The following LRFN5 variants were observed in gnomAD, a reference collection of about 807,000 sequenced individuals.
LRFN5 encodes leucine-rich repeat and fibronectin type-III domain-containing protein 5.
A neutral mutation model predicts 45.6 loss-of-function variants in LRFN5; 24 were observed. That is an observed-to-expected ratio of 0.53 (90% CI 0.38 to 0.74). The LOEUF is 0.74. LRFN5 is among the 30% of genes least tolerant of loss of function. The probability of loss-of-function intolerance (pLI) is 0.00; values close to 1 mark genes in which losing one functional copy is unlikely to be tolerated. For synonymous variants in LRFN5, 340 were observed against 313.8 expected, an observed-to-expected ratio of 1.08 and a Z score of -0.88; for missense variants, 776 against 861.5, an observed-to-expected ratio of 0.90 and a Z score of 1.24.
At chr14:41,801,729 G>T in intron 2 of LRFN5, among the ~76,000 whole-genome samples, 1 of 152,144 alleles carries the variant, frequency 6.6e-6, no homozygotes, top group East Asian at 1.9e-4. Flanking sequence ...TTCTCACCCT[G>T]CCAGTTTTGA....
chr14:41,757,243 C>CT (rs1885439146), intron 1 of LRFN5, among the ~76,000 whole-genome samples: 1 of 152,160 alleles, frequency 6.6e-6, no homozygotes, highest in Non-Finnish European at 1.5e-5. Flanking sequence ...GTTCTCAGAT[C>CT]TCCAGCTGCG....
intron 1 of LRFN5, among the ~76,000 whole-genome samples, chr14:41,721,677 A>C (rs80146445): frequency 0.021 from 3,123 of 152,250 alleles, 117 homozygotes; most frequent in African/African-American, 0.071. Flanking sequence ...TTTCTTTAAG[A>C]ATGCTGAAAA....
chr14:41,880,222 C>T (rs573155863), intron 2 of LRFN5, among the ~76,000 whole-genome samples: 7 of 151,974 alleles, frequency 4.6e-5, no homozygotes, highest in East Asian at 1.9e-4. Context: ...CCACCGCGCC[C>T]GGCCCTCAAT....
intron 1 of LRFN5, among the ~76,000 whole-genome samples, chr14:41,675,387 T>G (rs916613673): frequency 1.3e-5 from 2 of 152,358 alleles, no homozygotes; most frequent in African/African-American, 2.4e-5. Context: ...GATCACTCGC[T>G]GTTAGGAGCT....
intron 2 of LRFN5, among the ~76,000 whole-genome samples, chr14:41,801,452 C>G (rs1453014353): frequency 6.6e-6 from 1 of 152,120 alleles, no homozygotes; most frequent in South Asian, 2.1e-4. Flanking sequence ...TACAAGGAAA[C>G]AAACTGCATA....
chr14:41,849,495 G>A (rs2224836), intron 2 of LRFN5, among the ~76,000 whole-genome samples: 151,284 of 151,910 alleles, frequency 1, 75,334 homozygotes, highest in Non-Finnish European at 1. Context: ...AGACTGCACT[G>A]CAATTACTGG....
intron 1 of LRFN5, among the ~76,000 whole-genome samples, chr14:41,638,034 A>G (rs1324721237): frequency 6.6e-6 from 1 of 152,090 alleles, no homozygotes; most frequent in Non-Finnish European, 1.5e-5. Context: ...CCTCTTGGTT[A>G]TCACCTTTTG....
At chr14:41,797,470 T>C (rs1887172353) in intron 2 of LRFN5, among the ~76,000 whole-genome samples, 1 of 151,742 alleles carries the variant, frequency 6.6e-6, no homozygotes, top group Non-Finnish European at 1.5e-5. Context: ...TGTTCTGTTT[T>C]AAATATAAAT....
Position 41,890,721 on chromosome 14 carries a change from A to C in LRFN5, c.1386-529A>C, listed in dbSNP as rs1254656675. Among the ~76,000 whole-genome samples, 16 of 146,636 alleles carry C rather than the reference A, an allele frequency of 1.1e-4. No homozygotes were observed. The East Asian group carries it at 1.4e-3, about 12-fold the overall frequency. ...GACTCCGTCTCAAAAAAAAAAAAAAAAACTTTAATCTTAGTAATAATCTTA... is the reference window on the plus strand; with the variant it reads ...GACTCCGTCTCAAAAAAAAAAAAAACAACTTTAATCTTAGTAATAATCTTA... On this transcript the variant is annotated intron_variant, in intron 3 of 5. Coordinates refer to ENST00000298119, the MANE Select transcript of LRFN5 (RefSeq NM_152447.5).
intron 1 of LRFN5, among the ~76,000 whole-genome samples, chr14:41,669,530 T>C (rs1377570230): frequency 6.6e-6 from 1 of 152,062 alleles, no homozygotes; most frequent in East Asian, 1.9e-4. Context: ...AACTTTTTTT[T>C]TGAACTGTTT....
chr14:41,784,184 T>C (rs10140671), intron 2 of LRFN5, among the ~76,000 whole-genome samples: 2,060 of 152,254 alleles, frequency 0.014, 28 homozygotes, highest in Non-Finnish European at 0.021. Flanking sequence ...ATATTCCAAA[T>C]GTATCAGAGT....
intron 1 of LRFN5, among the ~76,000 whole-genome samples, chr14:41,756,446 T>C (rs1443890650): frequency 1.3e-5 from 2 of 152,222 alleles, no homozygotes; most frequent in Non-Finnish European, 2.9e-5. Flanking sequence ...CCATATTTCT[T>C]GGAGGCTTTA....
intron 1 of LRFN5, among the ~76,000 whole-genome samples, chr14:41,728,177 T>A (rs1433063014): frequency 6.6e-6 from 1 of 152,154 alleles, no homozygotes; most frequent in Non-Finnish European, 1.5e-5. Context: ...ATTTATTGGA[T>A]AAACTTGGCC....
chr14:41,704,240 G>A (rs1882954887), intron 1 of LRFN5, among the ~76,000 whole-genome samples: 1 of 152,090 alleles, frequency 6.6e-6, no homozygotes, highest in Non-Finnish European at 1.5e-5. Context: ...AGCCAGAGCT[G>A]TAGTTGGGGA....
chr14:41,610,683 A>AAAAAAAAAAAAAAAT (rs1887720009), intron 1 of LRFN5, among the ~76,000 whole-genome samples: 1 of 144,660 alleles, frequency 6.9e-6, no homozygotes, highest in African/African-American at 2.5e-5. Flanking sequence ...AAAAAAAAAA[A>AAAAAAAAAAAAAAAT]GTGTATTGCC....
At chr14:41,639,858 A>G (rs868179228) in intron 1 of LRFN5, among the ~76,000 whole-genome samples, 7 of 151,752 alleles carry the variant, frequency 4.6e-5, no homozygotes, top group African/African-American at 1.5e-4. Context: ...TCATAGTTCA[A>G]TGCAGCCTTG....
chr14:41,887,320 C>A lies in LRFN5; in HGVS notation c.695C>A (p.Thr232Asn), dbSNP rs1890609033. The A allele has an allele frequency of 6.2e-7, 1 of 1,614,222 alleles. No homozygotes were observed. The highest frequency in any genetic ancestry group is 8.5e-7 in the Non-Finnish European group (1 of 1,180,044). Residue 232 changes from threonine (T) to asparagine (N), a missense_variant, in exon 3 of 6, where the codon ACT becomes AAT. This residue lies in a region of LRFN5 where 311 missense variants were observed against 405.1 expected (regional missense o/e 0.77). Transcript: ENST00000298119. This position sits in a 1 kb window ranked among gnomAD's most constrained non-coding sequence, Gnocchi z 4.8. ...LATSGIISPS[T>N]FALSFGGNPL... is the part of the protein sequence containing the mutation. ...ACCTCAGGAATCATAAGCCCATCTA[C>A]TTTTGCATTAAGTTTTGGTGGAAAC...
At chr14:41,847,458 T>C (rs1417673498) in intron 2 of LRFN5, among the ~76,000 whole-genome samples, 3 of 152,130 alleles carry the variant, frequency 2.0e-5, no homozygotes, top group African/African-American at 7.2e-5. Context: ...GCATAAGAAA[T>C]GTTTTTTCTT....
intron 2 of LRFN5, among the ~76,000 whole-genome samples, chr14:41,769,208 A>G (rs894854013): frequency 1.1e-4 from 17 of 152,220 alleles, no homozygotes; most frequent in African/African-American, 3.9e-4. Context: ...AAACTTTCTT[A>G]GAGTGAAACA....
Sources: allele counts gnomAD v4.1 joint callset (sites outside exome capture counted in the v4.1 genomes callset), GRCh38; gene constraint gnomAD v4.1.1; regional missense constraint gnomAD v4.1.1; non-coding constraint Gnocchi (gnomAD v3.1); transcripts MANE v1.5; gene names NCBI Gene and HGNC (gene_info 2026-07-23, HGNC 2026-07-21).